Variants in TENM3 observed in about 807,000 individuals in gnomAD.
TENM3 encodes the protein teneurin-3.
Under a neutral mutation model 255.1 loss-of-function variants are expected in TENM3, and 63 were observed. The observed-to-expected ratio is 0.25, with a 90% CI of 0.20 to 0.30. TENM3 has a LOEUF of 0.30. Ranked by LOEUF, TENM3 falls within the 10% of genes least tolerant of loss-of-function variation. The pLI, the probability that TENM3 is intolerant of heterozygous loss-of-function variation, is 1.00. For missense variants in TENM3, 2,929 were observed against 3,461.1 expected, an observed-to-expected ratio of 0.85 and a Z score of 3.86; for synonymous variants, 1,306 against 1,322.3, an observed-to-expected ratio of 0.99 and a Z score of 0.27.
In TENM3 at chr4:182,688,299, G is replaced by A; in HGVS notation, c.2169G>A (p.Lys723=). The A allele has an allele frequency of 5.0e-6, 8 of 1,613,914 alleles. No homozygotes were observed. The highest frequency in any genetic ancestry group is 6.8e-6 in the Non-Finnish European group (8 of 1,179,852). Residue 723 remains lysine (K), a synonymous_variant, in exon 12 of 28, where the codon AAG becomes AAA. Transcript: ENST00000511685. ...GCTGTGCCGAGCACGGGACCTGCAAGGATGGCAAGTGTGAATGCAGCCAGG... is the reference window on the plus strand; with the variant it reads ...GCTGTGCCGAGCACGGGACCTGCAAAGATGGCAAGTGTGAATGCAGCCAGG... The part of the protein sequence containing the change: ...HPRCAEHGTC[K]DGKCECSQGW...
intron 10 of TENM3, among the ~76,000 whole-genome samples, chr4:182,681,530 A>G (rs1187630430): frequency 6.6e-6 from 1 of 152,230 alleles, no homozygotes. Flanking sequence ...GTGATTAGGC[A>G]GAACAGAGAG....
At chr4:181,567,930 A>G in the TENM3 span, among the ~76,000 whole-genome samples, 1 of 152,184 alleles carries the variant, frequency 6.6e-6, no homozygotes, top group Admixed American at 6.5e-5. Context: ...GACAAAGCCC[A>G]TAGCACCTTT....
intron 1 of TENM3, among the ~76,000 whole-genome samples, chr4:182,158,670 C>T (rs905101173): frequency 1.3e-5 from 2 of 152,148 alleles, no homozygotes; most frequent in African/African-American, 4.8e-5. Flanking sequence ...TAGGCCTATC[C>T]TTTGTCCTTG....
chr4:181,776,318 G>A, the TENM3 span, among the ~76,000 whole-genome samples: 13 of 151,936 alleles, frequency 8.6e-5, no homozygotes, highest in East Asian at 1.9e-4. Flanking sequence ...TTATTCATCC[G>A]TTGATGGACA....
chr4:181,912,984 A>G, the TENM3 span, among the ~76,000 whole-genome samples: 23 of 152,178 alleles, frequency 1.5e-4, no homozygotes, highest in African/African-American at 4.8e-4. Context: ...TTGGAAATGC[A>G]TAAGTGAAGG....
intron 3 of TENM3, among the ~76,000 whole-genome samples, chr4:182,444,041 A>G (rs140401002): frequency 1.1e-3 from 175 of 152,304 alleles, no homozygotes; most frequent in African/African-American, 3.6e-3. Flanking sequence ...GGATTTTTCC[A>G]TAGGGTAAAT....
chr4:182,208,186 T>G (rs1372902188), intron 1 of TENM3, among the ~76,000 whole-genome samples: 1 of 152,242 alleles, frequency 6.6e-6, no homozygotes, highest in East Asian at 1.9e-4. Context: ...TAAGTATTTG[T>G]GAGAAGTAAA....
chr4:181,694,055 C>G, the TENM3 span, among the ~76,000 whole-genome samples: 2 of 152,032 alleles, frequency 1.3e-5, no homozygotes, highest in African/African-American at 4.8e-5. Flanking sequence ...AATAATAGTA[C>G]CAATTCCACA....
intron 3 of TENM3, among the ~76,000 whole-genome samples, chr4:182,467,039 G>T (rs1732666529): frequency 6.6e-6 from 1 of 151,998 alleles, no homozygotes; most frequent in Non-Finnish European, 1.5e-5. Flanking sequence ...TTGAATGTTT[G>T]CTATTCAATC....
At position 182,145,993 on chromosome 4, in the gene TENM3, T is replaced by C. The variant is rs1749938910; in HGVS notation, c.-76+1239T>C. On this transcript the variant is annotated intron_variant, in intron 1 of 2. Coordinates refer to the TENM3 transcript ENST00000512480. ...GGAAGAGTATCCCAAAAGATGGTATTGTAACTGAACAGAACTTGGTGATTT... is the reference window on the plus strand; with the variant it reads ...GGAAGAGTATCCCAAAAGATGGTATCGTAACTGAACAGAACTTGGTGATTT... 2.6e-5 allele frequency among the ~76,000 whole-genome samples: 4 copies of C among 152,152 alleles called. No individual in the cohort carries two copies. The South Asian group carries it at 8.3e-4, about 32-fold the overall frequency.
At chr4:182,358,217 A>C (rs1268564459) in intron 3 of TENM3, among the ~76,000 whole-genome samples, 1 of 147,708 alleles carries the variant, frequency 6.8e-6, no homozygotes, top group Non-Finnish European at 1.5e-5. Flanking sequence ...TTTTGGTTCC[A>C]TATGAACTTT....
the TENM3 span, among the ~76,000 whole-genome samples, chr4:182,020,900 A>AT: frequency 6.6e-6 from 1 of 151,726 alleles, no homozygotes; most frequent in East Asian, 1.9e-4. Context: ...TTTCTTTCTT[A>AT]TTTTTATTTT....
intron 1 of TENM3, among the ~76,000 whole-genome samples, chr4:182,236,779 G>A (rs1295397873): frequency 6.6e-6 from 1 of 152,156 alleles, no homozygotes; most frequent in Non-Finnish European, 1.5e-5. Flanking sequence ...TAAATACAGT[G>A]GTAGCAGACC....
At chr4:182,691,023 T>C (rs993029328) in intron 12 of TENM3, among the ~76,000 whole-genome samples, 4 of 152,238 alleles carry the variant, frequency 2.6e-5, no homozygotes, top group Non-Finnish European at 5.9e-5. Context: ...TGCTCTTTTA[T>C]ACTAATAAGA....
the TENM3 span, among the ~76,000 whole-genome samples, chr4:181,830,183 C>T: frequency 3.5e-3 from 531 of 152,216 alleles, no homozygotes; most frequent in Non-Finnish European, 5.7e-3. Flanking sequence ...AAGAGTGCTA[C>T]GTTTAGGTGG....
At chr4:181,849,440 AT>A in the TENM3 span, among the ~76,000 whole-genome samples, 1 of 152,150 alleles carries the variant, frequency 6.6e-6, no homozygotes, top group Non-Finnish European at 1.5e-5. Context: ...GAGCAAAGTC[AT>A]TTTCCTATTG....
the TENM3 span, among the ~76,000 whole-genome samples, chr4:182,014,014 ACGTGT>A: frequency 6.4e-5 from 3 of 46,840 alleles, no homozygotes; most frequent in Admixed American, 4.7e-4. Context: ...ACGTATATAT[ACGTGT>A]ATATACGTAT....
chr4:181,976,764 C>T, the TENM3 span, among the ~76,000 whole-genome samples: 13 of 152,140 alleles, frequency 8.5e-5, no homozygotes, highest in Admixed American at 5.2e-4. Context: ...GGGAGTTGTC[C>T]GGATAGAAAT....
chr4:182,335,747 A>G (rs535423642), intron 2 of TENM3, among the ~76,000 whole-genome samples: 1 of 152,232 alleles, frequency 6.6e-6, no homozygotes, highest in South Asian at 2.1e-4. Flanking sequence ...CAGAAACAAA[A>G]TCACTACATT....
Sources: gnomAD v4.1 joint callset for allele counts (sites outside exome capture counted in the v4.1 genomes callset) on GRCh38, gnomAD v4.1.1 for gene constraint, MANE v1.5 for transcripts, NCBI Gene and HGNC (gene_info 2026-07-23, HGNC 2026-07-21) for gene names.